CCDC66: variants seen among roughly 807,000 people sequenced by gnomAD.
The protein encoded by CCDC66 is coiled-coil domain containing 66.
In CCDC66, 133 loss-of-function variants were observed where a neutral mutation model predicts 128.3. That is an observed-to-expected ratio of 1.04 (90% CI 0.90 to 1.20). CCDC66 has a LOEUF of 1.20. Ranked by LOEUF, CCDC66 falls within the 50% of genes most tolerant of loss-of-function variation. The pLI is 0.00. For missense variants in CCDC66, 1,126 were observed against 1,075.5 expected (o/e 1.05, Z -0.66); for synonymous variants, 387 against 357.0 (o/e 1.08, Z -0.95).
chr3:56,615,426 T>C (rs921907922), intron 12 of CCDC66, 154 bp downstream of exon 12: 6 of 712,268 alleles, frequency 8.4e-6, no homozygotes, highest in Non-Finnish European at 8.6e-6. Context: ...ATATTTTTTG[T>C]AGACATGGAA....
intron 7 of CCDC66, among the ~76,000 whole-genome samples, chr3:56,580,464 G>A (rs1302752351): frequency 6.6e-6 from 1 of 151,750 alleles, no homozygotes; most frequent in East Asian, 2.0e-4. Flanking sequence ...GATGTTAGCT[G>A]GTTATTTTGC....
chr3:56,573,358 T>C (rs1318233569), intron 7 of CCDC66, among the ~76,000 whole-genome samples: 1 of 152,224 alleles, frequency 6.6e-6, no homozygotes, highest in Admixed American at 6.5e-5. Context: ...ACCTGCAGCA[T>C]GGCCATTCTG....
chr3:56,566,910 G>T, intron 5 of CCDC66, 40 bp from the exon 6 acceptor site: 1 of 1,543,298 alleles, frequency 6.5e-7, no homozygotes, highest in Non-Finnish European at 8.9e-7. Flanking sequence ...GTGTAGAAAT[G>T]TATGATACAG....
At chr3:56,572,362 C>T (rs2066751282) in intron 7 of CCDC66, 1 of 1,289,504 alleles carries the variant, frequency 7.8e-7, no homozygotes, top group South Asian at 1.2e-5. Context: ...ATCACAGTCT[C>T]GTAGCCAGGT....
intron 10 of CCDC66, among the ~76,000 whole-genome samples, chr3:56,603,631 T>C (rs563247219): frequency 6.6e-6 from 1 of 152,242 alleles, no homozygotes; most frequent in South Asian, 2.1e-4. Flanking sequence ...TCTAATTTGA[T>C]TGCACTGTGG....
chr3:56,559,537 G>A (rs2064824792), intron 2 of CCDC66, 32 bp from the exon 3 acceptor site: 1 of 1,449,386 alleles, frequency 6.9e-7, no homozygotes, highest in Middle Eastern at 1.7e-4. Flanking sequence ...GCTTTTGGTG[G>A]ATAGTTTAGT....
chr3:56,566,509 C>A, intron 4 of CCDC66, 85 bp from the exon 5 acceptor site: 1 of 806,036 alleles, frequency 1.2e-6, no homozygotes, highest in Non-Finnish European at 2.0e-6. Context: ...ACGTGTAAGA[C>A]ATGTAAGAAC....
chr3:56,620,136 A>G (rs1007905449), intron 17 of CCDC66: 10 of 273,920 alleles, frequency 3.7e-5, no homozygotes, highest in Non-Finnish European at 4.8e-5. Flanking sequence ...CAGTTCTAAA[A>G]TTAAGACAAG....
intron 7 of CCDC66, among the ~76,000 whole-genome samples, chr3:56,578,308 G>T (rs181823874): frequency 6.6e-6 from 1 of 151,880 alleles, no homozygotes; most frequent in East Asian, 2.0e-4. Flanking sequence ...GAGATTTGGG[G>T]CTGAGATGAT....
rs1243633824 is a variant in CCDC66, at chr3:56,563,737, C to T, written c.156C>T (p.His52=). ...AKCPLRTKTG[H]ILKSTQDTCI... is the part of the protein sequence containing the mutation. ...GTCCTTTAAGAACAAAAACTGGGCA[C>T]ATTCTAAAATCAACACAAGATACTT... The change falls in exon 4 of 18, where the codon CAC becomes CAT. Residue 52 remains histidine, a synonymous_variant. Coordinates refer to ENST00000394672, the MANE Select transcript of CCDC66 (RefSeq NM_001141947.3). The T allele has an allele frequency of 2.6e-6, 4 of 1,551,432 alleles. No individual in the cohort carries two copies. Among genetic ancestry groups the T allele is most frequent in the East Asian group, 4.9e-5 (2 of 40,858 alleles).
Position 56,566,993 on chromosome 3 carries a change from G to C in CCDC66, c.754G>C (p.Glu252Gln). 1 of 1,614,160 alleles carries C rather than the reference G, an allele frequency of 6.2e-7. No individual in the cohort carries two copies. The highest frequency in any genetic ancestry group is 1.1e-5 in the South Asian group (1 of 91,084). Reference sequence around the variant, plus strand: ...AGCTGATATATTCAGTACTCTGGGGGAAAGGGAATGTGATAGAAGTTCGTT... The same window carrying C: ...AGCTGATATATTCAGTACTCTGGGGCAAAGGGAATGTGATAGAAGTTCGTT... ...KPADIFSTLG[E>Q]RECDRSSLEA... is the part of the protein sequence containing the mutation. Residue 252 changes from glutamate to glutamine, a missense_variant, in exon 6 of 18, where the codon GAA becomes CAA. Glu to Gln is a conservative substitution (Grantham distance 29). Coordinates refer to ENST00000394672, the MANE Select transcript of CCDC66 (RefSeq NM_001141947.3).
At position 56,583,693 on chromosome 3, in the gene CCDC66, A is replaced by T. The variant is rs563497255; in HGVS notation, c.937-9277A>T. On this transcript the variant is annotated intron_variant, in intron 7 of 17. Coordinates refer to ENST00000394672, the MANE Select transcript of CCDC66 (RefSeq NM_001141947.3). Reference sequence around the variant, plus strand: ...GAACAAAATGGAGTCTCCTATGTCTACTTCTTTCTACACAGACACAGCAAC... The same window carrying T: ...GAACAAAATGGAGTCTCCTATGTCTTCTTCTTTCTACACAGACACAGCAAC... 2.0e-5 allele frequency among the ~76,000 whole-genome samples: 3 copies of T among 150,024 alleles called. No individual in the cohort carries two copies. The South Asian group carries it at 6.3e-4, about 32-fold the overall frequency.
At chr3:56,598,973 T>A (rs977988522) in intron 10 of CCDC66, among the ~76,000 whole-genome samples, 2 of 152,054 alleles carry the variant, frequency 1.3e-5, no homozygotes, top group African/African-American at 4.8e-5. Flanking sequence ...TTTGATTTTT[T>A]TGGAATAGTT....
rs1205125193 is a variant in CCDC66 at position 56,593,022 on chromosome 3, G to T, written c.989G>T (p.Arg330Ile). The change falls in exon 8 of 18, where the codon AGA (arginine) becomes ATA (isoleucine). Residue 330 changes from arginine to isoleucine, a missense_variant. Physicochemically the swap from Arg to Ile is moderately conservative, Grantham distance 97. Coordinates refer to ENST00000394672, the MANE Select transcript of CCDC66 (RefSeq NM_001141947.3). The part of the protein sequence containing the change: ...PFSAVKQELQ[R>I]KWIEELNKQI... ...AGTGCTGTGAAACAAGAACTGCAAAGAAAATGGATTGAAGAGTTGAATAAG... is the reference window on the plus strand; with the variant it reads ...AGTGCTGTGAAACAAGAACTGCAAATAAAATGGATTGAAGAGTTGAATAAG... 6.2e-7 allele frequency: 1 copy of T among 1,610,752 alleles called. No homozygotes were observed.
At position 56,584,375 on chromosome 3, in the gene CCDC66, C is replaced by T. The variant is rs549701333; in HGVS notation, c.937-8595C>T. On this transcript the variant is annotated intron_variant, in intron 7 of 17. Transcript: ENST00000394672. The stretch of plus-strand genomic sequence containing the variant: ...GTAGAGGGGCTCCTCACTTCTCAGA[C>T]GGGGCGGCTGCCGGGTGGAGGGGCT... Among the ~76,000 whole-genome samples, 398 of 149,300 alleles carry T rather than the reference C, an allele frequency of 2.7e-3. 15 individuals carry two copies. In the South Asian group the frequency reaches 0.053, roughly 20 times the overall value.
intron 3 of CCDC66, 113 bp from the exon 4 acceptor site, chr3:56,563,571 T>G (rs910351114): frequency 2.6e-6 from 2 of 779,664 alleles, no homozygotes; most frequent in African/African-American, 3.5e-5. Flanking sequence ...TTATATTACC[T>G]AAATAGCAAA....
At chr3:56,616,857 T>C (rs1210748989) in intron 13 of CCDC66, 6 of 349,510 alleles carry the variant, frequency 1.7e-5, no homozygotes, top group Non-Finnish European at 2.5e-5. Context: ...TGGTTTGCAT[T>C]TCCCCCCCAG....
chr3:56,596,949 G>A (rs57723950), intron 10 of CCDC66, among the ~76,000 whole-genome samples: 2,465 of 145,384 alleles, frequency 0.017, 78 homozygotes, highest in African/African-American at 0.06. Context: ...TAGTACAGAT[G>A]GGGTTTCACC....
intron 10 of CCDC66, among the ~76,000 whole-genome samples, chr3:56,600,594 C>A (rs531031365): frequency 2.0e-5 from 3 of 152,052 alleles, no homozygotes; most frequent in Non-Finnish European, 4.4e-5. Flanking sequence ...TACGCTCCCA[C>A]CAACAGTGTA....
Sources: gnomAD v4.1 joint callset for allele counts (sites outside exome capture counted in the v4.1 genomes callset) on GRCh38, gnomAD v4.1.1 for gene constraint, MANE v1.5 for transcripts, NCBI Gene and HGNC (gene_info 2026-07-23, HGNC 2026-07-21) for gene names.